MTG1: variants seen among roughly 807,000 people sequenced by gnomAD.
MTG1 encodes the protein mitochondrial ribosome associated GTPase 1.
A neutral mutation model predicts 39.5 loss-of-function variants in MTG1; 30 were observed. That is an observed-to-expected ratio of 0.76 (90% confidence interval 0.57 to 1.03). The LOEUF is 1.03. Ranked by LOEUF, MTG1 falls within the 50% of genes least tolerant of loss-of-function variation. The pLI is 0.00. For missense variants in MTG1, 513 were observed against 447.4 expected (o/e 1.15, Z -1.32); for synonymous variants, 217 against 179.0 (o/e 1.21, Z -1.69).
intron 9 of MTG1, among the ~76,000 whole-genome samples, chr10:133,404,486 A>ATCCT (rs1407989696): frequency 1.2e-3 from 19 of 16,434 alleles, no homozygotes; most frequent in African/African-American, 1.4e-3. Flanking sequence ...CGGTTTGTAA[A>ATCCT]TACTTTAAGT....
At chr10:133,396,515 T>A (rs1204014885) in intron 3 of MTG1, among the ~76,000 whole-genome samples, 1 of 152,230 alleles carries the variant, frequency 6.6e-6, no homozygotes, top group African/African-American at 2.4e-5. Flanking sequence ...GGCCAGGTTG[T>A]GCTGCCAGAG....
At chr10:133,418,106 C>T (rs7914520) in intron 9 of MTG1, among the ~76,000 whole-genome samples, 8,593 of 152,268 alleles carry the variant, frequency 0.056, 647 homozygotes, top group Admixed American at 0.16. Flanking sequence ...TGGGTTCAAG[C>T]GATTCTCCCG....
In MTG1 at chr10:133,402,709, C is replaced by G; in HGVS notation, c.688C>G (p.Leu230Val). Residue 230 changes from leucine (L) to valine (V), a missense_variant, in exon 9 of 11, where the codon CTG becomes GTG. Transcript: ENST00000317502. This position sits in a 1 kb window ranked among gnomAD's most constrained non-coding sequence, Gnocchi z 4.7. ...TTCCACAGGAACGGTGCTGGACCACCTGGTCGGGGAGGAGACCATGGCTGA... is the reference window on the plus strand; with the variant it reads ...TTCCACAGGAACGGTGCTGGACCACGTGGTCGGGGAGGAGACCATGGCTGA... ...LALCGTVLDH[L>V]VGEETMADYL... The G allele has an allele frequency of 1.2e-6, 2 of 1,607,460 alleles. No individual in the cohort carries two copies. The highest frequency in any genetic ancestry group is 2.2e-5 in the East Asian group (1 of 44,718).
In MTG1 at chr10:133,415,313, T is replaced by C. The variant is rs143469001; in HGVS notation, c.753-4167T>C. ...CTTCTGGTGTGATTTTACTTCTGTC[T>C]GAAGGATTTCCTTTAACATGTATTG... On this transcript the variant is annotated intron_variant, in intron 9 of 10. Transcript: ENST00000317502. 1.6e-3 allele frequency among the ~76,000 whole-genome samples: 237 copies of C among 152,362 alleles called. 4 individuals carry two copies. The highest frequency in any genetic ancestry group is 4.9e-3 in the African/African-American group (204 of 41,592).
In MTG1 at chr10:133,398,269, G is replaced by A. The variant is rs538627218; in HGVS notation, c.283-166G>A. Among the ~76,000 whole-genome samples the A allele has an allele frequency of 4.6e-5, 7 of 152,258 alleles. No individual in the cohort carries two copies. In the South Asian group the frequency reaches 8.3e-4, roughly 18 times the overall value. ...TCAAAAATTATCTGGGCGTGGTGGC[G>A]CATGCCTGTAATCCCTGCTACTTGG... On this transcript the variant is annotated intron_variant, in intron 3 of 10. Transcript: ENST00000317502.
chr10:133,400,821 T>G (rs1173056005), intron 6 of MTG1, among the ~76,000 whole-genome samples: 1 of 152,224 alleles, frequency 6.6e-6, no homozygotes, highest in Non-Finnish European at 1.5e-5. Context: ...TGTAACTGCC[T>G]CCTCCAAGTG....
intron 9 of MTG1, among the ~76,000 whole-genome samples, chr10:133,418,001 C>A (rs1459831653): frequency 1.3e-5 from 2 of 152,136 alleles, no homozygotes; most frequent in Non-Finnish European, 2.9e-5. Flanking sequence ...CAATGACTTT[C>A]TTTTTTTCTT....
intron 9 of MTG1, among the ~76,000 whole-genome samples, chr10:133,418,464 G>A (rs961485636): frequency 6.0e-5 from 9 of 150,324 alleles, no homozygotes; most frequent in African/African-American, 1.5e-4. Flanking sequence ...GGTCCGGGGC[G>A]CCTCCTCCAG....
At chr10:133,400,877 G>A (rs1427834149) in intron 6 of MTG1, among the ~76,000 whole-genome samples, 2 of 152,224 alleles carry the variant, frequency 1.3e-5, no homozygotes, top group African/African-American at 2.4e-5. Flanking sequence ...GTCACCGATC[G>A]TGATGTCCTC....
chr10:133,402,615 G>T lies in MTG1; in HGVS notation c.671-77G>T. 7.6e-7 allele frequency: 1 copy of T among 1,322,110 alleles called. No homozygotes were observed. Among genetic ancestry groups the T allele is most frequent in the East Asian group, 2.5e-5 (1 of 39,998 alleles). 81.9% of individuals were successfully genotyped at this position (1,322,110 alleles called of 1,614,324 possible). A position where few individuals can be genotyped will look rare whatever the true frequency, so the allele number is the denominator to read the frequency against. On this transcript the variant is annotated intron_variant, in intron 8 of 10. Transcript: ENST00000317502. This position sits in a 1 kb window ranked among gnomAD's most constrained non-coding sequence, Gnocchi z 4.7. The stretch of plus-strand genomic sequence containing the variant: ...GGCACGGTGTCTTTGGGCTAGGACT[G>T]GAAGGGATGTGTTTGAACTTGGCAG...
Position 133,404,129 on chromosome 10 carries a change from C to CTTTTTTTTTTTTTTTTTTTTTTTTTT in MTG1, c.752+1376_752+1377insTTTTTTTTTTTTTTTTTTTTTTTTTT, listed in dbSNP as rs57165977. Among the ~76,000 whole-genome samples, 2 of 91,172 alleles carry CTTTTTTTTTTTTTTTTTTTTTTTTTT rather than the reference C, an allele frequency of 2.2e-5. 1 individual carries two copies. The highest frequency in any genetic ancestry group is 3.9e-5 in the Non-Finnish European group (2 of 50,970). The allele number at this position is 91,172 out of a possible 152,430, so 59.8% of individuals were successfully genotyped here. On this transcript the variant is annotated intron_variant, in intron 9 of 10. Coordinates refer to ENST00000317502, the MANE Select transcript of MTG1 (RefSeq NM_138384.4). ...TCTTTCCTTATTGCTAAGTTTTAAT[C>CTTTTTTTTTTTTTTTTTTTTTTTTTT]TTTTTTTTTTTTTTTTTTTTGAGAC... is the stretch of plus-strand genomic sequence containing the variant.
In MTG1 at chr10:133,406,665, CTTTTTT is replaced by C. The variant is rs34249527; in HGVS notation, c.752+3905_752+3910del. Among the ~76,000 whole-genome samples, 3 of 122,964 alleles carry C rather than the reference CTTTTTT, an allele frequency of 2.4e-5. No individual in the cohort carries two copies. The South Asian group carries it at 8.2e-4, about 34-fold the overall frequency. 80.7% of individuals were successfully genotyped at this position (122,964 alleles called of 152,430 possible). Reference sequence around the variant, plus strand: ...GAAGTTTCAGGTCTTAGATTTAAGTCTTTTTTTTTTTTTTTTTTGAGAAGGAGTCTC... The same window carrying C: ...GAAGTTTCAGGTCTTAGATTTAAGTCTTTTTTTTTTTTGAGAAGGAGTCTC... On this transcript the variant is annotated intron_variant, in intron 9 of 10. Coordinates refer to ENST00000317502, the MANE Select transcript of MTG1 (RefSeq NM_138384.4).
At chr10:133,399,439 G>A in intron 5 of MTG1, 90 bp from the exon 6 acceptor site, 2 of 1,379,242 alleles carry the variant, frequency 1.5e-6, no homozygotes, top group Non-Finnish European at 2.1e-6. Flanking sequence ...AGCTGACCTG[G>A]CCTGGGGTCC....
chr10:133,402,839 ACAAAC>A lies in MTG1; in HGVS notation c.752+67_752+71del. On this transcript the variant is annotated intron_variant, in intron 9 of 10. Transcript: ENST00000317502. This position sits in a 1 kb window ranked among gnomAD's most constrained non-coding sequence, Gnocchi z 4.7. The stretch of plus-strand genomic sequence containing the variant: ...TAGTCACCTCATTTAAAAAAAAAAA[ACAAAC>A]AAAAAAACCCCCAGCATTATAAAGG... The A allele has an allele frequency of 8.4e-6, 10 of 1,196,006 alleles. No homozygotes were observed. The highest frequency in any genetic ancestry group is 1.1e-5 in the Non-Finnish European group (9 of 854,462). 74.1% of individuals were successfully genotyped at this position (1,196,006 alleles called of 1,614,324 possible).
chr10:133,399,414 C>T, intron 5 of MTG1, 115 bp from the exon 6 acceptor site: 1 of 1,233,412 alleles, frequency 8.1e-7, no homozygotes, highest in Admixed American at 1.8e-5. Flanking sequence ...CGGCGTTAAC[C>T]TCCCTTCTTC....
intron 9 of MTG1, among the ~76,000 whole-genome samples, chr10:133,403,583 C>T (rs745406315): frequency 7.2e-5 from 11 of 152,214 alleles, no homozygotes; most frequent in African/African-American, 1.4e-4. Context: ...GTGTGATCCC[C>T]GTGTGTCGTC....
chr10:133,399,254 G>A (rs1849832096), intron 5 of MTG1, 28 bp downstream of exon 5: 3 of 1,613,070 alleles, frequency 1.9e-6, no homozygotes, highest in African/African-American at 2.7e-5. Flanking sequence ...AGAGCTGGGA[G>A]TGGGAGGCGG....
At chr10:133,396,334 CG>C in intron 3 of MTG1, 67 bp downstream of exon 3, 2 of 1,378,712 alleles carry the variant, frequency 1.5e-6, no homozygotes, top group Non-Finnish European at 2.1e-6. Flanking sequence ...CTTGTTCTAA[CG>C]GAAGAGTTGC....
At chr10:133,408,471 G>C (rs1469058240) in intron 9 of MTG1, among the ~76,000 whole-genome samples, 4 of 152,156 alleles carry the variant, frequency 2.6e-5, no homozygotes, top group African/African-American at 9.7e-5. Flanking sequence ...CATTTGTTGA[G>C]GATTTCTGCA....
Sources: allele counts gnomAD v4.1 joint callset (sites outside exome capture counted in the v4.1 genomes callset), GRCh38; gene constraint gnomAD v4.1.1; non-coding constraint Gnocchi (gnomAD v3.1); transcripts MANE v1.5; gene names NCBI Gene and HGNC (gene_info 2026-07-23, HGNC 2026-07-21).